Variants in CDH18 observed in about 807,000 individuals in gnomAD.
CDH18 encodes cadherin 18, also known as cadherin-18.
Under a neutral mutation model 67.9 loss-of-function variants are expected in CDH18, and 31 were observed. The ratio of observed to expected loss-of-function variants is 0.46; its 90% CI spans 0.34 to 0.62. The LOEUF (loss-of-function observed/expected upper bound fraction) is 0.62. CDH18 is among the 20% of genes least tolerant of loss of function. The probability of loss-of-function intolerance (pLI) is 0.01; values close to 1 mark genes in which losing one functional copy is unlikely to be tolerated. For missense variants in CDH18, 890 were observed against 975.5 expected, an observed-to-expected ratio of 0.91 and a Z score of 1.17; for synonymous variants, 362 against 347.2, an observed-to-expected ratio of 1.04 and a Z score of -0.48.
At chr5:20,455,967 C>T (rs1750808027) in intron 1 of CDH18, among the ~76,000 whole-genome samples, 1 of 151,940 alleles carries the variant, frequency 6.6e-6, no homozygotes, top group Non-Finnish European at 1.5e-5. Context: ...AGCTGATAAC[C>T]TTTGTTTTGA....
At chr5:19,976,781 T>C (rs981318832) in intron 2 of CDH18, among the ~76,000 whole-genome samples, 10 of 125,068 alleles carry the variant, frequency 8.0e-5, no homozygotes, top group African/African-American at 2.5e-4. Flanking sequence ...TATGGCAACA[T>C]GACAGGATAT....
chr5:19,890,715 C>T (rs924821804), intron 2 of CDH18, among the ~76,000 whole-genome samples: 3 of 151,950 alleles, frequency 2.0e-5, no homozygotes, highest in Non-Finnish European at 2.9e-5. Context: ...CTCCCTCAGC[C>T]TCCTGAGTAG....
intron 5 of CDH18, among the ~76,000 whole-genome samples, chr5:19,689,007 A>C (rs1300115051): frequency 6.6e-6 from 1 of 152,106 alleles, no homozygotes; most frequent in Non-Finnish European, 1.5e-5. Context: ...TTTTAAAAGA[A>C]TACACAAAAT....
chr5:19,837,637 G>A (rs1442255591), intron 3 of CDH18, among the ~76,000 whole-genome samples: 1 of 152,032 alleles, frequency 6.6e-6, no homozygotes, highest in Non-Finnish European at 1.5e-5. Context: ...TGACTCCACA[G>A]CTCCTGCCTT....
chr5:19,551,715 A>C (rs1737485706), intron 8 of CDH18, among the ~76,000 whole-genome samples: 1 of 152,086 alleles, frequency 6.6e-6, no homozygotes, highest in Non-Finnish European at 1.5e-5. Flanking sequence ...ATAGATTGTA[A>C]GTACTGGTTG....
intron 1 of CDH18, among the ~76,000 whole-genome samples, chr5:20,338,181 G>T (rs1421806832): frequency 6.6e-6 from 1 of 152,122 alleles, no homozygotes; most frequent in African/African-American, 2.4e-5. Flanking sequence ...CTTTCCATTT[G>T]GGCTGTTTCT....
intron 1 of CDH18, among the ~76,000 whole-genome samples, chr5:20,487,569 C>G (rs1753280930): frequency 6.6e-6 from 1 of 150,846 alleles, no homozygotes; most frequent in Non-Finnish European, 1.5e-5. Flanking sequence ...CATAAAATAT[C>G]AAATTTCCAC....
intron 10 of CDH18, among the ~76,000 whole-genome samples, chr5:19,517,396 T>C (rs1236415769): frequency 1.3e-5 from 2 of 152,104 alleles, no homozygotes; most frequent in Non-Finnish European, 2.9e-5. Context: ...TGTCTTTTTT[T>C]TATCATCTTA....
At chr5:20,041,535 C>T (rs1740420323) in intron 2 of CDH18, among the ~76,000 whole-genome samples, 2 of 152,246 alleles carry the variant, frequency 1.3e-5, no homozygotes, top group Middle Eastern at 3.4e-3. Flanking sequence ...TCCTTCTCCT[C>T]CCGTGGAAAC....
At chr5:20,251,261 T>C (rs1373300176) in intron 2 of CDH18, among the ~76,000 whole-genome samples, 1 of 152,176 alleles carries the variant, frequency 6.6e-6, no homozygotes, top group African/African-American at 2.4e-5. Flanking sequence ...TTTAAAGTTA[T>C]GAATTTTTCA....
chr5:19,496,630 T>C (rs1742369998), intron 11 of CDH18, among the ~76,000 whole-genome samples: 1 of 152,030 alleles, frequency 6.6e-6, no homozygotes, highest in Non-Finnish European at 1.5e-5. Context: ...CTGGCCAACA[T>C]GGTAAACCCT....
intron 8 of CDH18, among the ~76,000 whole-genome samples, chr5:19,551,001 T>C (rs1288108982): frequency 1.3e-5 from 2 of 152,192 alleles, no homozygotes; most frequent in East Asian, 1.9e-4. Context: ...AGACCTAGTA[T>C]AGCAAATGAA....
chr5:19,474,048 T>C (rs1276506367), intron 12 of CDH18, among the ~76,000 whole-genome samples: 2 of 152,072 alleles, frequency 1.3e-5, no homozygotes, highest in African/African-American at 4.8e-5. Context: ...AAACACATGA[T>C]GAAAAAATAA....
intron 2 of CDH18, among the ~76,000 whole-genome samples, chr5:19,854,882 C>T (rs1001529300): frequency 6.6e-6 from 1 of 150,742 alleles, no homozygotes; most frequent in Non-Finnish European, 1.5e-5. Flanking sequence ...CCCCTCCCCC[C>T]ACTATCCTTT....
At chr5:19,725,809 G>A (rs1006588099) in intron 4 of CDH18, among the ~76,000 whole-genome samples, 1 of 152,144 alleles carries the variant, frequency 6.6e-6, no homozygotes, top group Non-Finnish European at 1.5e-5. Context: ...GATCTGATAA[G>A]AGGAGTGTTA....
At chr5:20,047,014 A>T (rs1419218401) in intron 2 of CDH18, among the ~76,000 whole-genome samples, 3 of 151,878 alleles carry the variant, frequency 2.0e-5, no homozygotes, top group Non-Finnish European at 4.4e-5. Flanking sequence ...TACAAAAAAA[A>T]CAAAAAGAAA....
chr5:20,416,846 T>A (rs1560980447), intron 1 of CDH18, among the ~76,000 whole-genome samples: 1 of 151,892 alleles, frequency 6.6e-6, no homozygotes, highest in African/African-American at 2.4e-5. Context: ...CATGAAAAAA[T>A]AATTCCAGGA....
At chr5:20,116,035 T>G (rs1747880118) in intron 2 of CDH18, among the ~76,000 whole-genome samples, 2 of 152,328 alleles carry the variant, frequency 1.3e-5, no homozygotes, top group South Asian at 4.1e-4. Context: ...CTGCAATGAC[T>G]TTTGCACCAA....
At chr5:20,190,748 A>G (rs1318358561) in intron 2 of CDH18, among the ~76,000 whole-genome samples, 1 of 152,156 alleles carries the variant, frequency 6.6e-6, no homozygotes, top group South Asian at 2.1e-4. Context: ...CACAGTATAC[A>G]TGTAAATCTT....
Sources: allele counts gnomAD v4.1 joint callset (sites outside exome capture counted in the v4.1 genomes callset), GRCh38; gene constraint gnomAD v4.1.1; transcripts MANE v1.5; gene names NCBI Gene and HGNC (gene_info 2026-07-23, HGNC 2026-07-21).